DENND3: variants seen among roughly 807,000 people sequenced by gnomAD.
DENND3 encodes DENN domain-containing protein 3.
DENND3 carries 88 observed loss-of-function variants against 135.1 expected under a neutral mutation model. The ratio of observed to expected loss-of-function variants is 0.65; its 90% CI spans 0.55 to 0.78. The LOEUF is 0.78. Ranked by LOEUF, DENND3 falls within the 30% of genes least tolerant of loss-of-function variation. The probability of loss-of-function intolerance (pLI) is 0.00; values close to 1 mark genes in which losing one functional copy is unlikely to be tolerated. For synonymous variants in DENND3, 693 were observed against 712.3 expected (o/e 0.97, Z 0.43); for missense variants, 1,392 against 1,688.4 (o/e 0.82, Z 3.08).
At chr8:141,176,444 C>A in intron 14 of DENND3, 147 bp from the exon 15 acceptor site, 1 of 953,570 alleles carries the variant, frequency 1.0e-6, no homozygotes, top group Non-Finnish European at 1.6e-6. Flanking sequence ...TGCCCCTCAC[C>A]CGGGGCCCTG....
At chr8:141,171,667 C>CTGG (rs1288184898) in intron 13 of DENND3, among the ~76,000 whole-genome samples, 2 of 152,336 alleles carry the variant, frequency 1.3e-5, no homozygotes, top group African/African-American at 4.8e-5. Flanking sequence ...ATGAGTGTGC[C>CTGG]TGGTGTCCAC....
chr8:141,190,582 C>A, intron 20 of DENND3, 165 bp downstream of exon 20: 1 of 1,088,914 alleles, frequency 9.2e-7, no homozygotes, highest in Non-Finnish European at 1.2e-6. Context: ...ACTCCACCTG[C>A]ACTGCTGCTC....
intron 13 of DENND3, chr8:141,173,410 C>T (rs1821906462): frequency 1.3e-5 from 2 of 152,246 alleles, no homozygotes; most frequent in Admixed American, 1.3e-4. Context: ...GGTGCCTGCG[C>T]CGCGTGCTGA....
At position 141,163,589 on chromosome 8, in the gene DENND3, T is replaced by TA. The variant is rs527486068; in HGVS notation, c.1449+167dup. 4.0e-3 allele frequency among the ~76,000 whole-genome samples: 604 copies of TA among 152,292 alleles called. 5 individuals are homozygous for TA. Among genetic ancestry groups the TA allele is most frequent in the African/African-American group, 0.014 (588 of 41,554 alleles). ...TGACCATGTGGCTCTCCCTCTTTTT[T>TA]AAAAAAATCAGCTTTTTAAGAGTAT... On this transcript the variant is annotated intron_variant, in intron 10 of 22. Transcript: ENST00000519811.
In DENND3 at chr8:141,168,448, T is replaced by TTCTGGAGGGAG; in HGVS notation, c.2198_2199insTCTGGAGGGAG (p.Met734LeufsTer5). 6.2e-7 allele frequency: 1 copy of TTCTGGAGGGAG among 1,613,786 alleles called. No individual in the cohort carries two copies. On this transcript the variant is annotated frameshift_variant, in exon 13 of 23. Coordinates refer to ENST00000519811, the MANE Select transcript of DENND3 (RefSeq NM_001352890.3). LOFTEE classifies it high-confidence loss of function. This position sits in a 1 kb window ranked among gnomAD's most constrained non-coding sequence, Gnocchi z 6.2. The stretch of plus-strand genomic sequence containing the variant: ...AAGAAGCACATGCAGCTGGGCGACT[T>TTCTGGAGGGAG]CATGAAGCGGGTCCAGGAGTCAGGG...
At position 141,166,375 on chromosome 8, in the gene DENND3, G is replaced by A. The variant is rs746747423; in HGVS notation, c.1739G>A (p.Arg580Lys). 3 of 1,612,064 alleles carry A rather than the reference G, an allele frequency of 1.9e-6. No homozygotes were observed. In the South Asian group the frequency reaches 3.3e-5, roughly 18 times the overall value. Reference sequence around the variant, plus strand: ...CGGCTGACGGACACCGCAGGCTGTAGGGGCAGCAGCGCAGGTGAGGGCTGC... The same window carrying A: ...CGGCTGACGGACACCGCAGGCTGTAAGGGCAGCAGCGCAGGTGAGGGCTGC... ...SLRLTDTAGCRGSSAVLNVTP... is the reference protein window; with the variant it reads ...SLRLTDTAGCKGSSAVLNVTP... The change falls in exon 12 of 23, where the codon AGG (arginine) becomes AAG (lysine). Residue 580 changes from arginine to lysine, a missense_variant. By Grantham distance (26) the Arg-to-Lys change is conservative (BLOSUM62 2). Transcript: ENST00000519811. This position sits in a 1 kb window ranked among gnomAD's most constrained non-coding sequence, Gnocchi z 4.3.
At chr8:141,191,051 CGT>C (rs1430617841) in intron 20 of DENND3, among the ~76,000 whole-genome samples, 1 of 152,198 alleles carries the variant, frequency 6.6e-6, no homozygotes, top group African/African-American at 2.4e-5. Flanking sequence ...GTAATGGAGG[CGT>C]GTTTCACATA....
rs951018664 is a variant in DENND3 at position 141,182,370 on chromosome 8, G to A, written c.2944+1516G>A. ...GACCCTGGCTGAGTGAGCAGGCAGCGTCATCAGGGCCGCCCCGCGTGAGCC... is the reference window on the plus strand; with the variant it reads ...GACCCTGGCTGAGTGAGCAGGCAGCATCATCAGGGCCGCCCCGCGTGAGCC... On this transcript the variant is annotated intron_variant, in intron 17 of 22. Transcript: ENST00000519811. The surrounding 1 kb of genome is among the most constrained non-coding windows in gnomAD (Gnocchi z 5.9). 4.9e-5 allele frequency: 48 copies of A among 985,436 alleles called. No homozygotes were observed. The highest frequency in any genetic ancestry group is 6.1e-5 in the Admixed American group (1 of 16,288). 61.0% of individuals were successfully genotyped at this position (985,436 alleles called of 1,614,324 possible).
In DENND3 at chr8:141,144,875, T is replaced by C. The variant is rs572579968; in HGVS notation, c.735+616T>C. ...GCTCCTTAAACAGGTATAATGTAGC[T>C]TACTTTCCAACCTGACTCTGGTATA... On this transcript the variant is annotated intron_variant, in intron 5 of 22. Transcript: ENST00000519811. The surrounding 1 kb of genome is among the most constrained non-coding windows in gnomAD (Gnocchi z 4.4). 3.3e-5 allele frequency among the ~76,000 whole-genome samples: 5 copies of C among 152,346 alleles called. No individual in the cohort carries two copies. The highest frequency in any genetic ancestry group is 5.9e-5 in the Non-Finnish European group (4 of 68,028).
intron 8 of DENND3, chr8:141,157,800 C>A: frequency 1.0e-6 from 1 of 980,454 alleles, no homozygotes; most frequent in Non-Finnish European, 1.2e-6. Flanking sequence ...TGCTCTGTCA[C>A]CCAGGCTGGG....
chr8:141,155,835 T>A lies in DENND3; in HGVS notation c.1075-14T>A. On this transcript the variant is annotated splice_polypyrimidine_tract_variant and intron_variant, in intron 7 of 22. Coordinates refer to ENST00000519811, the MANE Select transcript of DENND3 (RefSeq NM_001352890.3). ...TCTTTTATCAATCTTTACAGATGATTCCTTGTTTTCTAGGAAGCCGACGGT... is the reference window on the plus strand; with the variant it reads ...TCTTTTATCAATCTTTACAGATGATACCTTGTTTTCTAGGAAGCCGACGGT... 1 of 1,577,640 alleles carries A rather than the reference T, an allele frequency of 6.3e-7. No homozygotes were observed. The highest frequency in any genetic ancestry group is 8.6e-7 in the Non-Finnish European group (1 of 1,161,490).
intron 7 of DENND3, among the ~76,000 whole-genome samples, chr8:141,152,615 T>C (rs1489006981): frequency 1.3e-5 from 2 of 152,204 alleles, no homozygotes; most frequent in Admixed American, 6.5e-5. Flanking sequence ...GTTTTGTCCA[T>C]CCACTCACAA....
chr8:141,140,747 C>G (rs1411811354), intron 3 of DENND3, among the ~76,000 whole-genome samples: 1 of 152,222 alleles, frequency 6.6e-6, no homozygotes, highest in African/African-American at 2.4e-5. Context: ...TACTTTGCCA[C>G]TTGTAAGTTC....
At position 141,194,256 on chromosome 8, in the gene DENND3, G is replaced by A; in HGVS notation, c.*23G>A. 6.2e-7 allele frequency: 1 copy of A among 1,606,186 alleles called. No individual in the cohort carries two copies. Among genetic ancestry groups the A allele is most frequent in the Non-Finnish European group, 8.5e-7 (1 of 1,177,622 alleles). The stretch of plus-strand genomic sequence containing the variant: ...TAAACGTGGCTGAGTCTGCCAAGTG[G>A]AACTGTGCCCTATGTGTGGGGACTG... On this transcript the variant is annotated 3_prime_UTR_variant, in exon 23 of 23. Coordinates refer to ENST00000519811, the MANE Select transcript of DENND3 (RefSeq NM_001352890.3).
In DENND3 at chr8:141,176,614, A is replaced by G. The variant is rs2154613337; in HGVS notation, c.2559A>G (p.Thr853=). Residue 853 remains threonine, a synonymous_variant, in exon 15 of 23, where the codon ACA becomes ACG. Coordinates refer to ENST00000519811, the MANE Select transcript of DENND3 (RefSeq NM_001352890.3). ...NIEEVRRTTT[T]FLLRRIPTLK... ...AGGAGGTCAGGAGAACCACTACTACATTTCTACTTCGGAGAATACCCACTT... is the reference window on the plus strand; with the variant it reads ...AGGAGGTCAGGAGAACCACTACTACGTTTCTACTTCGGAGAATACCCACTT... 1 of 1,614,234 alleles carries G rather than the reference A, an allele frequency of 6.2e-7. No individual in the cohort carries two copies.
At position 141,175,186 on chromosome 8, in the gene DENND3, C is replaced by T. The variant is rs1223493029; in HGVS notation, c.2276-14C>T. On this transcript the variant is annotated splice_polypyrimidine_tract_variant and intron_variant, in intron 13 of 22. Coordinates refer to ENST00000519811, the MANE Select transcript of DENND3 (RefSeq NM_001352890.3). This position sits in a 1 kb window ranked among gnomAD's most constrained non-coding sequence, Gnocchi z 5.4. Reference sequence around the variant, plus strand: ...GGCTGTAAGATACCTCTCTTTTCTTCTTATCAAACTAAGGACAGGAGAAAC... The same window carrying T: ...GGCTGTAAGATACCTCTCTTTTCTTTTTATCAAACTAAGGACAGGAGAAAC... 1 of 1,607,282 alleles carries T rather than the reference C, an allele frequency of 6.2e-7. No individual in the cohort carries two copies. The highest frequency in any genetic ancestry group is 1.7e-5 in the Admixed American group (1 of 59,114).
At chr8:141,172,888 G>C (rs1050764792) in intron 13 of DENND3, among the ~76,000 whole-genome samples, 4 of 149,846 alleles carry the variant, frequency 2.7e-5, no homozygotes, top group Non-Finnish European at 4.4e-5. Flanking sequence ...TCCAGCCTGG[G>C]TGACAGAGCA....
intron 17 of DENND3, among the ~76,000 whole-genome samples, chr8:141,181,549 G>C (rs888048254): frequency 2.0e-5 from 3 of 152,178 alleles, no homozygotes; most frequent in African/African-American, 7.2e-5. Flanking sequence ...GCTTTCCTGG[G>C]ACCCTGCACG....
chr8:141,160,672 C>T lies in DENND3; in HGVS notation c.1237C>T (p.His413Tyr). The T allele has an allele frequency of 6.2e-7, 1 of 1,612,298 alleles. No homozygotes were observed. The highest frequency in any genetic ancestry group is 8.5e-7 in the Non-Finnish European group (1 of 1,179,012). The change falls in exon 9 of 23, where the codon CAC becomes TAC. Residue 413 changes from histidine (H) to tyrosine (Y), a missense_variant. By Grantham distance (83) the His-to-Tyr change is moderately conservative. Transcript: ENST00000519811. ...GCTCCACCATGAGCTGCACGCCGCCCACCTCCTCTCCAGCACAGACCTGAA... is the reference window on the plus strand; with the variant it reads ...GCTCCACCATGAGCTGCACGCCGCCTACCTCCTCTCCAGCACAGACCTGAA... Reference protein sequence around the residue: ...LQLHHELHAAHLLSSTDLKEG... With the variant: ...LQLHHELHAAYLLSSTDLKEG...
Sources: allele counts gnomAD v4.1 joint callset (sites outside exome capture counted in the v4.1 genomes callset), GRCh38; gene constraint gnomAD v4.1.1; non-coding constraint Gnocchi (gnomAD v3.1); transcripts MANE v1.5; gene names NCBI Gene and HGNC (gene_info 2026-07-23, HGNC 2026-07-21).